SLC44A5: variants seen among roughly 807,000 people sequenced by gnomAD.
The protein encoded by SLC44A5 is solute carrier family 44 member 5, also known as choline transporter-like protein 5.
Under a neutral mutation model 101.8 loss-of-function variants are expected in SLC44A5, and 57 were observed. The ratio of observed to expected loss-of-function variants is 0.56; its 90% CI spans 0.45 to 0.70. The LOEUF is 0.70. Among genes scored for constraint, SLC44A5 ranks in the 30% least tolerant of loss-of-function variants. SLC44A5 has a pLI of 0.00. For missense variants in SLC44A5, 737 were observed against 853.1 expected, an observed-to-expected ratio of 0.86 and a Z score of 1.70; for synonymous variants, 281 against 290.9, an observed-to-expected ratio of 0.97 and a Z score of 0.35.
At chr1:75,268,644 CT>C (rs1237264822) in intron 6 of SLC44A5, among the ~76,000 whole-genome samples, 1 of 152,036 alleles carries the variant, frequency 6.6e-6, no homozygotes, top group Non-Finnish European at 1.5e-5. Flanking sequence ...TCCGTTCAGA[CT>C]TTTTTCTTGC....
chr1:75,563,143 C>T (rs2102013871), intron 1 of SLC44A5, among the ~76,000 whole-genome samples: 1 of 152,126 alleles, frequency 6.6e-6, no homozygotes, highest in East Asian at 1.9e-4. Flanking sequence ...ATAAAAGAAT[C>T]CCTCCTTTGG....
intron 14 of SLC44A5, among the ~76,000 whole-genome samples, chr1:75,220,835 A>C (rs1337484669): frequency 6.6e-6 from 1 of 152,034 alleles, no homozygotes; most frequent in Non-Finnish European, 1.5e-5. Flanking sequence ...CTCACTATTT[A>C]ATCTATAGTG....
chr1:75,556,769 G>A (rs1672239866), intron 1 of SLC44A5, among the ~76,000 whole-genome samples: 1 of 152,044 alleles, frequency 6.6e-6, no homozygotes, highest in South Asian at 2.1e-4. Flanking sequence ...AGGACGGGTA[G>A]GCTGTTTCTT....
chr1:75,375,975 T>A (rs1450908020), intron 3 of SLC44A5, among the ~76,000 whole-genome samples: 1 of 152,112 alleles, frequency 6.6e-6, no homozygotes, highest in Non-Finnish European at 1.5e-5. Flanking sequence ...GGTCAGTGGG[T>A]GTGTGCACCG....
the SLC44A5 span, among the ~76,000 whole-genome samples, chr1:75,656,238 T>C: frequency 6.6e-6 from 1 of 152,210 alleles, no homozygotes; most frequent in Admixed American, 6.5e-5. Flanking sequence ...CCACCAGACC[T>C]GTCTTACAAG....
chr1:75,573,547 G>A (rs1414338945), intron 1 of SLC44A5, among the ~76,000 whole-genome samples: 1 of 152,082 alleles, frequency 6.6e-6, no homozygotes, highest in Non-Finnish European at 1.5e-5. Flanking sequence ...ACAGATAAAT[G>A]AAAATATTCC....
At chr1:75,208,573 G>A (rs1421839097) in intron 23 of SLC44A5, among the ~76,000 whole-genome samples, 10 of 152,176 alleles carry the variant, frequency 6.6e-5, no homozygotes, top group Admixed American at 6.5e-4. Context: ...GCTTAGTTAG[G>A]ATGGAAAAGG....
At chr1:75,666,380 A>G in the SLC44A5 span, among the ~76,000 whole-genome samples, 4 of 152,120 alleles carry the variant, frequency 2.6e-5, no homozygotes, top group Admixed American at 2.0e-4. Context: ...CAGGTATTTG[A>G]CTTCCCAGAA....
Position 75,497,362 on chromosome 1 carries a change from G to A in SLC44A5, c.13+44073C>T, listed in dbSNP as rs116388592. On this transcript the variant is annotated intron_variant, in intron 2 of 23. Coordinates refer to ENST00000370859, the MANE Select transcript of SLC44A5 (RefSeq NM_001130058.2). ...TGTAAATGAAGTTGGAGGACATCATGTTAAGTGAAATAAATCAGACACACA... is the reference window on the plus strand; with the variant it reads ...TGTAAATGAAGTTGGAGGACATCATATTAAGTGAAATAAATCAGACACACA... Among the ~76,000 whole-genome samples the A allele has an allele frequency of 3.3e-3, 501 of 152,232 alleles. 4 individuals carry two copies. Among genetic ancestry groups the A allele is most frequent in the African/African-American group, 0.011 (461 of 41,560 alleles).
At chr1:75,467,787 G>A (rs1458129511) in intron 2 of SLC44A5, among the ~76,000 whole-genome samples, 1 of 152,084 alleles carries the variant, frequency 6.6e-6, no homozygotes, top group Non-Finnish European at 1.5e-5. Flanking sequence ...AATTTCTTGA[G>A]TAATACCCCA....
At chr1:75,667,382 A>C in the SLC44A5 span, among the ~76,000 whole-genome samples, 1 of 152,190 alleles carries the variant, frequency 6.6e-6, no homozygotes, top group Admixed American at 6.6e-5. Flanking sequence ...GATGTGAAGG[A>C]CTTCTTCAAG....
upstream of SLC44A5, among the ~76,000 whole-genome samples, chr1:75,614,171 G>T (rs114394444): frequency 6.8e-3 from 1,029 of 152,222 alleles, 11 homozygotes; most frequent in African/African-American, 0.024. Flanking sequence ...TAGCTCATAC[G>T]CCTTGTCAAT....
upstream of SLC44A5, among the ~76,000 whole-genome samples, chr1:75,615,181 G>T (rs1286800136): frequency 6.6e-6 from 1 of 152,034 alleles, no homozygotes; most frequent in Non-Finnish European, 1.5e-5. Flanking sequence ...CTGCTTAGCC[G>T]GAGCCACTGC....
intron 3 of SLC44A5, among the ~76,000 whole-genome samples, chr1:75,374,909 T>C (rs150954092): frequency 3.3e-5 from 5 of 152,342 alleles, no homozygotes; most frequent in African/African-American, 9.6e-5. Flanking sequence ...CCCCCTCATA[T>C]GAGAAGCAAT....
At chr1:75,711,268 C>T in the SLC44A5 span, among the ~76,000 whole-genome samples, 3 of 152,136 alleles carry the variant, frequency 2.0e-5, no homozygotes, top group Admixed American at 1.3e-4. Context: ...TTGGGGAGCA[C>T]AAGAGCTACA....
chr1:75,611,366 T>A (rs1469108161), upstream of SLC44A5, among the ~76,000 whole-genome samples: 1 of 152,176 alleles, frequency 6.6e-6, no homozygotes, highest in African/African-American at 2.4e-5. Flanking sequence ...TAATCTACTA[T>A]TATTTGTGTC....
At chr1:75,488,350 A>G (rs1183708346) in intron 2 of SLC44A5, among the ~76,000 whole-genome samples, 2 of 152,170 alleles carry the variant, frequency 1.3e-5, no homozygotes, top group Non-Finnish European at 2.9e-5. Context: ...CCAGTACAAC[A>G]TATTGCTGTA....
intron 2 of SLC44A5, among the ~76,000 whole-genome samples, chr1:75,456,194 G>A (rs1239312922): frequency 6.6e-6 from 1 of 152,090 alleles, no homozygotes; most frequent in Non-Finnish European, 1.5e-5. Context: ...ATGAAATCAT[G>A]TCCTTTGCAG....
chr1:75,367,524 C>T (rs1314364829), intron 3 of SLC44A5, among the ~76,000 whole-genome samples: 1 of 152,166 alleles, frequency 6.6e-6, no homozygotes, highest in African/African-American at 2.4e-5. Context: ...GACAGGACTG[C>T]TCCTGGATCA....
Sources: gnomAD v4.1 joint callset for allele counts (sites outside exome capture counted in the v4.1 genomes callset) on GRCh38, gnomAD v4.1.1 for gene constraint, MANE v1.5 for transcripts, NCBI Gene and HGNC (gene_info 2026-07-23, HGNC 2026-07-21) for gene names.